GALNT14: variants seen among roughly 807,000 people sequenced by gnomAD.
GALNT14 encodes the protein polypeptide N-acetylgalactosaminyltransferase 14, also known as UDP-GalNAc:polypeptide N-acetylgalactosaminyltransferase 14.
A neutral mutation model predicts 77.5 loss-of-function variants in GALNT14; 60 were observed. That is an observed-to-expected ratio of 0.77 (90% CI 0.63 to 0.96). The LOEUF (loss-of-function observed/expected upper bound fraction) is 0.96, where lower values mean the gene tolerates loss of function less well. Ranked by LOEUF, GALNT14 falls within the 40% of genes least tolerant of loss-of-function variation. The pLI, the probability that GALNT14 is intolerant of heterozygous loss-of-function variation, is 0.00. For missense variants in GALNT14, 710 were observed against 731.0 expected (o/e 0.97, Z 0.33); for synonymous variants, 280 against 281.7 (o/e 0.99, Z 0.06).
chr2:30,971,060 C>T (rs1023872488), intron 2 of GALNT14, among the ~76,000 whole-genome samples: 1 of 152,116 alleles, frequency 6.6e-6, no homozygotes, highest in South Asian at 2.1e-4. Flanking sequence ...GCCCTACACA[C>T]GAGTCATCTG....
At chr2:30,961,864 G>GT (rs1027900893) in intron 3 of GALNT14, among the ~76,000 whole-genome samples, 8 of 151,436 alleles carry the variant, frequency 5.3e-5, no homozygotes, top group South Asian at 4.2e-4. Flanking sequence ...TGGTTTTTTT[G>GT]TTTTTTTTAG....
chr2:30,896,295 G>C, the GALNT14 span, among the ~76,000 whole-genome samples: 2 of 152,196 alleles, frequency 1.3e-5, no homozygotes, highest in East Asian at 1.9e-4. Context: ...TTTCCACAAG[G>C]GACTTCAACT....
chr2:30,973,000 G>A (rs971527034), intron 2 of GALNT14, among the ~76,000 whole-genome samples: 1 of 152,180 alleles, frequency 6.6e-6, no homozygotes. Flanking sequence ...GACCTAAATA[G>A]AAATTAGGAT....
At chr2:31,038,574 G>A (rs1053796482) in intron 1 of GALNT14, among the ~76,000 whole-genome samples, 9 of 151,842 alleles carry the variant, frequency 5.9e-5, no homozygotes, top group Admixed American at 3.3e-4. Context: ...GAGGGGGAGG[G>A]TAGGTGTTCC....
intron 1 of GALNT14, among the ~76,000 whole-genome samples, chr2:31,123,659 G>A (rs2148641790): frequency 6.6e-6 from 1 of 152,304 alleles, no homozygotes; most frequent in East Asian, 1.9e-4. Context: ...CTATTTTAGT[G>A]AAACAGCTTT....
chr2:31,110,286 T>C (rs1315796994), intron 1 of GALNT14, among the ~76,000 whole-genome samples: 4 of 152,336 alleles, frequency 2.6e-5, no homozygotes, highest in Middle Eastern at 3.4e-3. Context: ...CTCTATTCAC[T>C]ATTCTCTGGC....
intron 1 of GALNT14, among the ~76,000 whole-genome samples, chr2:31,027,336 G>C (rs1672123578): frequency 6.6e-6 from 1 of 151,198 alleles, no homozygotes; most frequent in South Asian, 2.1e-4. Flanking sequence ...AGAATAACTT[G>C]TACCTGGGAG....
chr2:31,001,672 A>C (rs1670376548), intron 1 of GALNT14, among the ~76,000 whole-genome samples: 1 of 152,190 alleles, frequency 6.6e-6, no homozygotes, highest in South Asian at 2.1e-4. Flanking sequence ...CTATAAGACA[A>C]GACAAGTCTA....
chr2:30,902,392 A>C, the GALNT14 span, among the ~76,000 whole-genome samples: 1 of 152,218 alleles, frequency 6.6e-6, no homozygotes, highest in African/African-American at 2.4e-5. Context: ...TTTAAGACAC[A>C]GGCACAGCAG....
At chr2:31,078,462 T>C (rs1444117064) in intron 1 of GALNT14, among the ~76,000 whole-genome samples, 1 of 152,008 alleles carries the variant, frequency 6.6e-6, no homozygotes, top group Non-Finnish European at 1.5e-5. Context: ...TACCAGAAAA[T>C]TGTCCTCAGA....
downstream of GALNT14, among the ~76,000 whole-genome samples, chr2:30,905,582 T>G (rs1260991738): frequency 4.1e-4 from 62 of 152,152 alleles, no homozygotes; most frequent in Middle Eastern, 0.014. Context: ...AATCTATGTC[T>G]GATTGGTGTA....
intron 9 of GALNT14, among the ~76,000 whole-genome samples, chr2:30,938,559 AT>A (rs758417696): frequency 4.6e-5 from 7 of 152,212 alleles, no homozygotes; most frequent in Non-Finnish European, 7.3e-5. Flanking sequence ...TAAAAGCCAC[AT>A]TTCCCTAACA....
chr2:30,946,794 C>T (rs1666723211), intron 6 of GALNT14, among the ~76,000 whole-genome samples: 2 of 152,140 alleles, frequency 1.3e-5, no homozygotes. Flanking sequence ...TAGCATCTCC[C>T]AGAGTCCTAA....
chr2:31,088,954 A>C (rs1676594449), intron 1 of GALNT14, among the ~76,000 whole-genome samples: 1 of 152,186 alleles, frequency 6.6e-6, no homozygotes, highest in African/African-American at 2.4e-5. Context: ...AGATACAAGA[A>C]GGTTTAAAGG....
At chr2:30,972,677 A>G (rs151326627) in intron 2 of GALNT14, among the ~76,000 whole-genome samples, 2 of 152,286 alleles carry the variant, frequency 1.3e-5, no homozygotes, top group Non-Finnish European at 2.9e-5. Flanking sequence ...GACTGTTCCA[A>G]TTGTGACTCA....
chr2:31,042,215 TAGCTCCCCTGGTGAATATAAAATA>T (rs1369755589), intron 1 of GALNT14, among the ~76,000 whole-genome samples: 1 of 152,192 alleles, frequency 6.6e-6, no homozygotes, highest in Admixed American at 6.5e-5. Context: ...TTTAAATAGT[TAGCTCCCCTGGTGAATATAAAATA>T]GGCTTTACTA....
chr2:30,930,979 C>T (rs181561825), intron 10 of GALNT14, among the ~76,000 whole-genome samples: 4 of 152,328 alleles, frequency 2.6e-5, no homozygotes, highest in East Asian at 1.9e-4. Flanking sequence ...ATTTCCAGGC[C>T]GGCCCCCCTC....
chr2:31,129,362 G>GA (rs1012318296), intron 1 of GALNT14: 6 of 985,168 alleles, frequency 6.1e-6, no homozygotes, highest in Middle Eastern at 5.2e-4. Flanking sequence ...AAGTGGTGGG[G>GA]AAAAAAGCTA....
intron 3 of GALNT14, among the ~76,000 whole-genome samples, chr2:30,964,354 A>G (rs1226518963): frequency 6.6e-6 from 1 of 151,862 alleles, no homozygotes; most frequent in African/African-American, 2.4e-5. Flanking sequence ...AGCCACCTCC[A>G]CCTCCCTGTG....
Sources: gnomAD v4.1 joint callset for allele counts (sites outside exome capture counted in the v4.1 genomes callset) on GRCh38, gnomAD v4.1.1 for gene constraint, MANE v1.5 for transcripts, NCBI Gene and HGNC (gene_info 2026-07-23, HGNC 2026-07-21) for gene names.